The following CCAR1 variants were observed in gnomAD, a reference collection of about 807,000 sequenced individuals.
CCAR1 encodes the protein cell division cycle and apoptosis regulator 1.
Under a neutral mutation model 163.8 loss-of-function variants are expected in CCAR1, and 78 were observed. The observed-to-expected ratio is 0.48, with a 90% confidence interval of 0.40 to 0.57. CCAR1 has a LOEUF of 0.57. CCAR1 is among the 20% of genes least tolerant of loss of function. The pLI, the probability that CCAR1 is intolerant of heterozygous loss-of-function variation, is 0.00. For synonymous variants in CCAR1, 443 were observed against 460.7 expected (o/e 0.96, Z 0.49); for missense variants, 1,019 against 1,365.2 (o/e 0.75, Z 4.00).
intron 20 of CCAR1, 88 bp downstream of exon 20, chr10:68,786,306 T>G (rs1274385238): frequency 3.1e-6 from 3 of 960,724 alleles, no homozygotes; most frequent in African/African-American, 1.6e-5. Context: ...TTAGTCCTTA[T>G]ACATCTTTAT....
In CCAR1 at chr10:68,773,126, C is replaced by T. The variant is rs1233932090; in HGVS notation, c.2650+27C>T. ...TATGATTGAAATTTATTTATTACTT[C>T]TTAGAGTTAAGAATACATTTTTTGT... On this transcript the variant is annotated intron_variant, in intron 19 of 24. Coordinates refer to ENST00000265872, the MANE Select transcript of CCAR1 (RefSeq NM_018237.4). 21 of 1,146,412 alleles carry T rather than the reference C, an allele frequency of 1.8e-5. No individual in the cohort carries two copies. In the Middle Eastern group the frequency reaches 7.8e-4, roughly 43 times the overall value. The allele number at this position is 1,146,412 out of a possible 1,614,324, so 71.0% of individuals were successfully genotyped here. A position where few individuals can be genotyped will look rare whatever the true frequency, so the allele number is the denominator to read the frequency against.
chr10:68,739,491 C>A (rs1350659869), intron 4 of CCAR1, among the ~76,000 whole-genome samples: 1 of 152,212 alleles, frequency 6.6e-6, no homozygotes. Flanking sequence ...CAATTCATAA[C>A]TTCTTTGTCC....
chr10:68,740,226 A>G (rs1261546920), intron 4 of CCAR1, among the ~76,000 whole-genome samples: 2 of 152,224 alleles, frequency 1.3e-5, no homozygotes, highest in Non-Finnish European at 2.9e-5. Context: ...AATAATAACA[A>G]TAACAAAAAA....
chr10:68,722,440 T>A lies in CCAR1; in HGVS notation c.-50-15T>A. 1.6e-6 allele frequency: 2 copies of A among 1,270,034 alleles called. No homozygotes were observed. The highest frequency in any genetic ancestry group is 2.4e-5 in the South Asian group (2 of 84,102). 78.7% of individuals were successfully genotyped at this position (1,270,034 alleles called of 1,614,324 possible). ...GCTTGGTTGGACTTTAAAATGTGGA[T>A]CCTTTTCTTGATAGATCGATGCTAT... On this transcript the variant is annotated splice_polypyrimidine_tract_variant and intron_variant, in intron 1 of 24. Coordinates refer to ENST00000265872, the MANE Select transcript of CCAR1 (RefSeq NM_018237.4).
intron 2 of CCAR1, among the ~76,000 whole-genome samples, chr10:68,729,112 A>G (rs2055993337): frequency 2.0e-5 from 3 of 152,168 alleles, no homozygotes; most frequent in Admixed American, 6.6e-5. Context: ...TTTTATGTTA[A>G]TTGTTATTAA....
intron 2 of CCAR1, among the ~76,000 whole-genome samples, chr10:68,725,526 T>C (rs1023666099): frequency 2.0e-5 from 3 of 152,144 alleles, no homozygotes; most frequent in South Asian, 2.1e-4. Flanking sequence ...TTTTGACTTA[T>C]TTGTTGAATC....
chr10:68,721,641 C>G (rs763254726), intron 1 of CCAR1: 1 of 442,190 alleles, frequency 2.3e-6, no homozygotes. Flanking sequence ...CGGCGTGGGT[C>G]TTGGGGAATA....
intron 4 of CCAR1, among the ~76,000 whole-genome samples, chr10:68,738,179 C>T (rs2056136675): frequency 6.6e-6 from 1 of 152,174 alleles, no homozygotes; most frequent in Admixed American, 6.5e-5. Context: ...TACTGGGAAG[C>T]CGAGGCGGGC....
chr10:68,737,319 A>G (rs774721259), intron 3 of CCAR1, among the ~76,000 whole-genome samples: 13 of 151,996 alleles, frequency 8.6e-5, no homozygotes, highest in Non-Finnish European at 1.8e-4. Context: ...AGCCTGTGCA[A>G]CGTGGTGAGA....
rs1407892555 is a variant in CCAR1, at chr10:68,755,509, G to C, written c.1598G>C (p.Gly533Ala). 1 of 1,613,914 alleles carries C rather than the reference G, an allele frequency of 6.2e-7. No homozygotes were observed. Among genetic ancestry groups the C allele is most frequent in the Admixed American group, 1.7e-5 (1 of 60,002 alleles). Reference protein sequence around the residue: ...TAIRCCKALTGIDLSVCTQWY... With the variant: ...TAIRCCKALTAIDLSVCTQWY... ...ATTCGTTGTTGTAAGGCTCTGACAG[G>C]CATTGATCTAAGTGTGTGCACACAA... The change falls in exon 13 of 25, where the codon GGC (glycine) becomes GCC (alanine). Residue 533 changes from glycine (G) to alanine (A), a missense_variant. By Grantham distance (60) the Gly-to-Ala change is moderately conservative. Transcript: ENST00000265872.
chr10:68,745,815 T>G (rs543921531), intron 6 of CCAR1, among the ~76,000 whole-genome samples: 1 of 151,960 alleles, frequency 6.6e-6, no homozygotes, highest in African/African-American at 2.4e-5. Flanking sequence ...AAAGACTAAT[T>G]TTTAAATTTT....
At chr10:68,722,876 C>G (rs1192129777) in intron 2 of CCAR1, among the ~76,000 whole-genome samples, 1 of 151,790 alleles carries the variant, frequency 6.6e-6, no homozygotes, top group African/African-American at 2.4e-5. Flanking sequence ...TAGCTGAGAT[C>G]GCGCCACTGC....
At position 68,747,143 on chromosome 10, in the gene CCAR1, TTC is replaced by T; in HGVS notation, c.519-16_519-15del. On this transcript the variant is annotated splice_polypyrimidine_tract_variant and intron_variant, in intron 6 of 24. Transcript: ENST00000265872. ...ATTGTATTTATATTTAACTTTTTTT[TTC>T]TTTTTTTTTTTACAGTGCTGTCAAA... 1 of 1,341,886 alleles carries T rather than the reference TTC, an allele frequency of 7.5e-7. No homozygotes were observed. Among genetic ancestry groups the T allele is most frequent in the South Asian group, 1.3e-5 (1 of 74,518 alleles). The allele number at this position is 1,341,886 out of a possible 1,614,324, so 83.1% of individuals were successfully genotyped here. A position where few individuals can be genotyped will look rare whatever the true frequency, so the allele number is the denominator to read the frequency against.
At chr10:68,722,611 T>C (rs1349236656) in intron 2 of CCAR1, 34 bp downstream of exon 2, 2 of 1,511,934 alleles carry the variant, frequency 1.3e-6, no homozygotes, top group African/African-American at 1.4e-5. Flanking sequence ...TGTAATTGTT[T>C]GTGGGGGACT....
intron 19 of CCAR1, among the ~76,000 whole-genome samples, chr10:68,779,797 A>G (rs567369550): frequency 1.3e-5 from 2 of 152,346 alleles, no homozygotes; most frequent in Admixed American, 1.3e-4. Flanking sequence ...ATAGGAATAG[A>G]GAATTATTAA....
intron 2 of CCAR1, among the ~76,000 whole-genome samples, chr10:68,728,670 C>T (rs1410803517): frequency 6.6e-6 from 1 of 152,116 alleles, no homozygotes; most frequent in Non-Finnish European, 1.5e-5. Flanking sequence ...ATAGCACTGT[C>T]CAGGCTGGGC....
At chr10:68,775,321 A>G (rs2056650650) in intron 19 of CCAR1, among the ~76,000 whole-genome samples, 1 of 152,182 alleles carries the variant, frequency 6.6e-6, no homozygotes, top group Non-Finnish European at 1.5e-5. Context: ...GTGACATAAT[A>G]TTCATACAGC....
intron 11 of CCAR1, 41 bp from the exon 12 acceptor site, chr10:68,754,669 ATTAC>A (rs1299644071): frequency 1.0e-6 from 1 of 974,174 alleles, no homozygotes; most frequent in Non-Finnish European, 1.6e-6. Flanking sequence ...ATTTTTTCAC[ATTAC>A]TTTAGACTTT....
At chr10:68,742,263 C>G (rs1424420010) in intron 5 of CCAR1, 113 bp from the exon 6 acceptor site, 1 of 745,110 alleles carries the variant, frequency 1.3e-6, no homozygotes, top group African/African-American at 1.8e-5. Flanking sequence ...ACATGTATAT[C>G]TTCTAACATA....
Sources: gnomAD v4.1 joint callset for allele counts (sites outside exome capture counted in the v4.1 genomes callset) on GRCh38, gnomAD v4.1.1 for gene constraint, MANE v1.5 for transcripts, NCBI Gene and HGNC (gene_info 2026-07-23, HGNC 2026-07-21) for gene names.